The following MBD2 variants were observed in gnomAD, a reference collection of about 807,000 sequenced individuals.
MBD2 encodes methyl-CpG binding domain protein 2.
Under a neutral mutation model 39.3 loss-of-function variants are expected in MBD2, and 9 were observed. The observed-to-expected ratio is 0.23, with a 90% CI of 0.14 to 0.40. The LOEUF (loss-of-function observed/expected upper bound fraction) is 0.40. Ranked by LOEUF, MBD2 falls within the 10% of genes least tolerant of loss-of-function variation. The probability of loss-of-function intolerance (pLI) is 1.00; values close to 1 mark genes in which losing one functional copy is unlikely to be tolerated. For missense variants in MBD2, 458 were observed against 532.6 expected, an observed-to-expected ratio of 0.86 and a Z score of 1.38; for synonymous variants, 233 against 211.1, an observed-to-expected ratio of 1.10 and a Z score of -0.90.
chr18:54,175,984 G>A (rs149888502), intron 3 of MBD2, among the ~76,000 whole-genome samples: 44 of 152,238 alleles, frequency 2.9e-4, no homozygotes, highest in African/African-American at 9.6e-4. Context: ...ATTTAAATGC[G>A]TAAGATATGT....
At chr18:54,212,689 C>CT (rs2086518282) in intron 1 of MBD2, among the ~76,000 whole-genome samples, 1 of 148,300 alleles carries the variant, frequency 6.7e-6, no homozygotes, top group Non-Finnish European at 1.5e-5. Context: ...AATAGGAAAG[C>CT]TTTAAAAAAA....
intron 3 of MBD2, among the ~76,000 whole-genome samples, chr18:54,181,059 A>G (rs187619761): frequency 2.0e-5 from 3 of 151,938 alleles, no homozygotes; most frequent in East Asian, 3.9e-4. Flanking sequence ...ATGCTCGGCT[A>G]ATTTTTGGCA....
chr18:54,171,960 C>T (rs1211060149), intron 3 of MBD2, among the ~76,000 whole-genome samples: 2 of 152,220 alleles, frequency 1.3e-5, no homozygotes, highest in Admixed American at 6.5e-5. Context: ...AGAGCATTTA[C>T]ATGTTTGGCT....
Position 54,164,757 on chromosome 18 carries a change from TTA to T in MBD2, c.932-59_932-58del. On this transcript the variant is annotated intron_variant, in intron 4 of 6. Coordinates refer to ENST00000256429, the MANE Select transcript of MBD2 (RefSeq NM_003927.5). ...AATGTCTCAATGTGCTGAGCAAACT[TTA>T]TGTGACATAAAACAACTGATATTTT... 2.1e-6 allele frequency: 3 copies of T among 1,403,162 alleles called. No homozygotes were observed. In the South Asian group the frequency reaches 3.8e-5, roughly 18 times the overall value. The allele number at this position is 1,403,162 out of a possible 1,614,324, so 86.9% of individuals were successfully genotyped here.
At chr18:54,177,222 G>A (rs2086217951) in intron 3 of MBD2, among the ~76,000 whole-genome samples, 1 of 152,298 alleles carries the variant, frequency 6.6e-6, no homozygotes, top group Admixed American at 6.5e-5. Flanking sequence ...TCACATGTCA[G>A]TATACTTGGA....
chr18:54,181,092 A>C (rs775228358), intron 3 of MBD2, among the ~76,000 whole-genome samples: 7 of 151,776 alleles, frequency 4.6e-5, no homozygotes, highest in Non-Finnish European at 7.4e-5. Context: ...ATGCGTTTTC[A>C]CCATGTTGGC....
In MBD2 at chr18:54,223,922, C is replaced by T; in HGVS notation, c.542+96G>A. Reference sequence around the variant, plus strand: ...AAACCAGCCTGTCCCTGCCACATGCCCCCCGGGCCCCAGCGCTCATCCTCT... The same window carrying T: ...AAACCAGCCTGTCCCTGCCACATGCTCCCCGGGCCCCAGCGCTCATCCTCT... On this transcript the variant is annotated intron_variant, in intron 1 of 6. Coordinates refer to ENST00000256429, the MANE Select transcript of MBD2 (RefSeq NM_003927.5). The T allele has an allele frequency of 3.8e-6, 4 of 1,056,976 alleles. No individual in the cohort carries two copies. In the South Asian group the frequency reaches 4.8e-5, roughly 13 times the overall value. 65.5% of individuals were successfully genotyped at this position (1,056,976 alleles called of 1,614,324 possible).
chr18:54,224,159 G>T lies in MBD2; in HGVS notation c.401C>A (p.Ala134Glu). 1 of 1,444,190 alleles carries T rather than the reference G, an allele frequency of 6.9e-7. No individual in the cohort carries two copies. Among genetic ancestry groups the T allele is most frequent in the Non-Finnish European group, 9.1e-7 (1 of 1,097,000 alleles). 89.5% of individuals were successfully genotyped at this position (1,444,190 alleles called of 1,614,324 possible). ...CCGGGGTCCCCTGGGCCCCGGCCCC[G>T]CGCTCCCCGACGGGAAAGGGACCGG... is the stretch of plus-strand genomic sequence containing the variant. ...REPVPFPSGSAGPGPRGPRAT... is the reference protein window; with the variant it reads ...REPVPFPSGSEGPGPRGPRAT... The change falls in exon 1 of 7, where the codon GCG (alanine) becomes GAG (glutamate). Residue 134 changes from alanine (A) to glutamate (E), a missense_variant. Around this residue, in one of 2 missense-constraint regions of MBD2, gnomAD observed 269 missense variants for 236.0 expected, o/e 1.14. Coordinates refer to ENST00000256429, the MANE Select transcript of MBD2 (RefSeq NM_003927.5).
rs941527339 is a variant in MBD2, at chr18:54,189,027, T to C, written c.703-16A>G. 1 of 1,511,608 alleles carries C rather than the reference T, an allele frequency of 6.6e-7. No individual in the cohort carries two copies. Among genetic ancestry groups the C allele is most frequent in the South Asian group, 1.3e-5 (1 of 78,374 alleles). 93.6% of individuals were successfully genotyped at this position (1,511,608 alleles called of 1,614,324 possible). ...CTGGTTTACCCTGTGAATATAAATGTATTTTTATTTAAAATATTATATATA... is the reference window on the plus strand; with the variant it reads ...CTGGTTTACCCTGTGAATATAAATGCATTTTTATTTAAAATATTATATATA... On this transcript the variant is annotated splice_polypyrimidine_tract_variant and intron_variant, in intron 2 of 6. Transcript: ENST00000256429.
chr18:54,198,322 C>T (rs1384205811), intron 2 of MBD2, among the ~76,000 whole-genome samples: 1 of 152,240 alleles, frequency 6.6e-6, no homozygotes, highest in Non-Finnish European at 1.5e-5. Flanking sequence ...CACCTACTCC[C>T]TCACATCTTC....
chr18:54,207,139 A>G lies in MBD2; in HGVS notation c.543-1982T>C, dbSNP rs150812392. ...TCCTTAATAAGTCATCGAAAGCTTTATATCTGTTATATAATTTTTCCCAGA... is the reference window on the plus strand; with the variant it reads ...TCCTTAATAAGTCATCGAAAGCTTTGTATCTGTTATATAATTTTTCCCAGA... On this transcript the variant is annotated intron_variant, in intron 1 of 6. Coordinates refer to ENST00000256429, the MANE Select transcript of MBD2 (RefSeq NM_003927.5). Among the ~76,000 whole-genome samples the G allele has an allele frequency of 2.4e-3, 366 of 152,318 alleles. 3 individuals are homozygous for G. The highest frequency in any genetic ancestry group is 7.5e-3 in the African/African-American group (313 of 41,556).
intron 1 of MBD2, among the ~76,000 whole-genome samples, chr18:54,213,664 T>C (rs925891029): frequency 6.6e-6 from 1 of 152,164 alleles, no homozygotes; most frequent in Non-Finnish European, 1.5e-5. Flanking sequence ...CTGTCAGAAA[T>C]TAAGTATGTT....
intron 3 of MBD2, among the ~76,000 whole-genome samples, chr18:54,182,880 C>T (rs1014167814): frequency 4.0e-5 from 6 of 151,562 alleles, no homozygotes; most frequent in African/African-American, 7.3e-5. Flanking sequence ...TGCAATGAGT[C>T]GTGATTGCAC....
chr18:54,160,123 C>T (rs2086085143), intron 5 of MBD2: 1 of 484,186 alleles, frequency 2.1e-6, no homozygotes, highest in African/African-American at 1.9e-5. Context: ...TCCCTCATCA[C>T]ACATGAAATT....
intron 1 of MBD2, among the ~76,000 whole-genome samples, 191 bp from the exon 2 acceptor site, chr18:54,205,348 G>T (rs1356117239): frequency 1.3e-5 from 2 of 152,062 alleles, no homozygotes; most frequent in Non-Finnish European, 2.9e-5. Flanking sequence ...GAGGCAGGTG[G>T]ATCACCTGAG....
At chr18:54,189,838 T>TG (rs1360629009) in intron 2 of MBD2, among the ~76,000 whole-genome samples, 2 of 151,638 alleles carry the variant, frequency 1.3e-5, no homozygotes, top group Non-Finnish European at 2.9e-5. Context: ...TTTGTAGAGA[T>TG]GGGGTCTCCC....
intron 1 of MBD2, among the ~76,000 whole-genome samples, chr18:54,219,798 C>T (rs1452427687): frequency 2.0e-5 from 3 of 152,110 alleles, no homozygotes; most frequent in Admixed American, 2.0e-4. Context: ...ATGGCACACA[C>T]ACACACACAT....
At chr18:54,164,096 G>A (rs2086114201) in intron 5 of MBD2, among the ~76,000 whole-genome samples, 1 of 152,060 alleles carries the variant, frequency 6.6e-6, no homozygotes, top group African/African-American at 2.4e-5. Flanking sequence ...GTGTTGCCCA[G>A]GCTGGTCTCA....
chr18:54,179,762 C>T (rs1271073080), intron 3 of MBD2, among the ~76,000 whole-genome samples: 1 of 152,004 alleles, frequency 6.6e-6, no homozygotes, highest in East Asian at 1.9e-4. Context: ...ACAAAAAAGC[C>T]TAGAGCAAGT....
Sources: allele counts gnomAD v4.1 joint callset (sites outside exome capture counted in the v4.1 genomes callset), GRCh38; gene constraint gnomAD v4.1.1; regional missense constraint gnomAD v4.1.1; transcripts MANE v1.5; gene names NCBI Gene and HGNC (gene_info 2026-07-23, HGNC 2026-07-21).